GRID2IP: variants seen among roughly 807,000 people sequenced by gnomAD.
The protein encoded by GRID2IP is delphilin.
A neutral mutation model predicts 114.3 loss-of-function variants in GRID2IP; 78 were observed. The observed-to-expected ratio is 0.68, with a 90% CI of 0.57 to 0.82. The LOEUF is 0.82. GRID2IP is among the 40% of genes least tolerant of loss of function. The probability of loss-of-function intolerance (pLI) is 0.00; values close to 1 mark genes in which losing one functional copy is unlikely to be tolerated. For missense variants in GRID2IP, 1,727 were observed against 1,678.5 expected, an observed-to-expected ratio of 1.03 and a Z score of -0.51; for synonymous variants, 809 against 724.0, an observed-to-expected ratio of 1.12 and a Z score of -1.89.
intron 2 of GRID2IP, 86 bp downstream of exon 2, chr7:6,539,632 A>C: frequency 7.7e-7 from 1 of 1,290,334 alleles, no homozygotes; most frequent in Non-Finnish European, 1.0e-6. Context: ...CCTGGGCTGG[A>C]AGGGGTGCCT....
Position 6,536,341 on chromosome 7 carries a change from G to A in GRID2IP, c.584+3377C>T, listed in dbSNP as rs997625930. 3.3e-5 allele frequency among the ~76,000 whole-genome samples: 5 copies of A among 152,228 alleles called. No individual in the cohort carries two copies. The highest frequency in any genetic ancestry group is 1.2e-4 in the African/African-American group (5 of 41,468). ...AGAGGCTGCCGTTTCAAGCTGCGGG[G>A]ACTGGGCATCCCCAGGTGTCCAGGG... is the stretch of plus-strand genomic sequence containing the variant. On this transcript the variant is annotated intron_variant, in intron 2 of 21. Coordinates refer to ENST00000457091, the MANE Select transcript of GRID2IP (RefSeq NM_001145118.2). The surrounding 1 kb of genome is among the most constrained non-coding windows in gnomAD (Gnocchi z 5.3).
chr7:6,522,585 C>T (rs1779432492), intron 4 of GRID2IP, among the ~76,000 whole-genome samples: 1 of 151,970 alleles, frequency 6.6e-6, no homozygotes, highest in Admixed American at 6.6e-5. Flanking sequence ...CTCCTAGGCT[C>T]AAGCAGTCTT....
Position 6,510,412 on chromosome 7 carries a change from C to A in GRID2IP, c.1654-12G>T. ...TAGACGGCTGACATCTGGAGGGAGA[C>A]GGGGGAGAGTCCAGCCCATTCTGCT... On this transcript the variant is annotated splice_polypyrimidine_tract_variant and intron_variant, in intron 10 of 21. Transcript: ENST00000457091. The A allele has an allele frequency of 6.6e-7, 1 of 1,507,264 alleles. No individual in the cohort carries two copies. The highest frequency in any genetic ancestry group is 1.3e-5 in the South Asian group (1 of 78,758). The allele number at this position is 1,507,264 out of a possible 1,614,324, so 93.4% of individuals were successfully genotyped here.
rs753703412 is a variant in GRID2IP at position 6,516,564 on chromosome 7, A to C, written c.1269-2035T>G. 3.3e-5 allele frequency among the ~76,000 whole-genome samples: 5 copies of C among 152,040 alleles called. No individual in the cohort carries two copies. Among genetic ancestry groups the C allele is most frequent in the South Asian group, 2.1e-4 (1 of 4,826 alleles). ...CCTGGGAAGGCACCCGTTGCTTAGC[A>C]GACCGGGAAAGGGAGTCTCCCTTTC... On this transcript the variant is annotated intron_variant, in intron 7 of 21. Coordinates refer to ENST00000457091, the MANE Select transcript of GRID2IP (RefSeq NM_001145118.2). This position sits in a 1 kb window ranked among gnomAD's most constrained non-coding sequence, Gnocchi z 4.3.
At chr7:6,500,779 G>C (rs910501687) in intron 20 of GRID2IP, among the ~76,000 whole-genome samples, 62 of 152,258 alleles carry the variant, frequency 4.1e-4, no homozygotes, top group African/African-American at 1.5e-3. Flanking sequence ...GTTGGAGCCA[G>C]AGAGGGGGAG....
chr7:6,500,152 C>G (rs2115350216), intron 20 of GRID2IP, among the ~76,000 whole-genome samples: 1 of 152,038 alleles, frequency 6.6e-6, no homozygotes, highest in African/African-American at 2.4e-5. Context: ...TAAACAGCCT[C>G]AGTTTTCACA....
Position 6,510,299 on chromosome 7 carries a change from G to T in GRID2IP, c.1755C>A (p.Ser585Arg). The T allele has an allele frequency of 1.3e-6, 2 of 1,545,078 alleles. No individual in the cohort carries two copies. The highest frequency in any genetic ancestry group is 1.7e-6 in the Non-Finnish European group (2 of 1,144,338). ...SKSRASPPGPSPAVTTGPRTL... is the reference protein window; with the variant it reads ...SKSRASPPGPRPAVTTGPRTL... ...GAGCCCTACCTGTGGTGACTGCTGGGCTGGGGCCTGGAGGGGAAGCCCGGG... is the reference window on the plus strand; with the variant it reads ...GAGCCCTACCTGTGGTGACTGCTGGTCTGGGGCCTGGAGGGGAAGCCCGGG... The change falls in exon 11 of 22, where the codon AGC (serine) becomes AGA (arginine). Residue 585 changes from serine to arginine, a missense_variant. Coordinates refer to ENST00000457091, the MANE Select transcript of GRID2IP (RefSeq NM_001145118.2).
rs954318474 is a variant in GRID2IP at position 6,532,260 on chromosome 7, G to A, written c.585-5491C>T. Among the ~76,000 whole-genome samples, 6 of 152,282 alleles carry A rather than the reference G, an allele frequency of 3.9e-5. No homozygotes were observed. The highest frequency in any genetic ancestry group is 1.4e-4 in the African/African-American group (6 of 41,556). Reference sequence around the variant, plus strand: ...ACCAGTTCAAGGCACATCCTGGGGAGGGGCTCTTCAGGGGCACCCCCAACC... The same window carrying A: ...ACCAGTTCAAGGCACATCCTGGGGAAGGGCTCTTCAGGGGCACCCCCAACC... On this transcript the variant is annotated intron_variant, in intron 2 of 21. Transcript: ENST00000457091. This position sits in a 1 kb window ranked among gnomAD's most constrained non-coding sequence, Gnocchi z 4.4.
At chr7:6,537,814 C>T (rs927815045) in intron 2 of GRID2IP, among the ~76,000 whole-genome samples, 3 of 152,066 alleles carry the variant, frequency 2.0e-5, no homozygotes, top group Non-Finnish European at 4.4e-5. Flanking sequence ...CATGCCACTG[C>T]ACTCCAGCCT....
intron 9 of GRID2IP, 49 bp from the exon 10 acceptor site, chr7:6,510,755 C>G: frequency 6.6e-7 from 1 of 1,517,524 alleles, no homozygotes; most frequent in Non-Finnish European, 8.9e-7. Flanking sequence ...CGGCTCAGGC[C>G]CCGGCCCAGA....
In GRID2IP at chr7:6,519,719, T is replaced by C. The variant is rs1779377658; in HGVS notation, c.1268+859A>G. Among the ~76,000 whole-genome samples, 1 of 151,874 alleles carries C rather than the reference T, an allele frequency of 6.6e-6. No individual in the cohort carries two copies. The highest frequency in any genetic ancestry group is 1.5e-5 in the Non-Finnish European group (1 of 67,994). ...TTGCGGTGAGCCGAGATCGCACCAC[T>C]GCACTCCAGCCTGGGCAACGAGAGT... On this transcript the variant is annotated intron_variant, in intron 7 of 21. Transcript: ENST00000457091. This position sits in a 1 kb window ranked among gnomAD's most constrained non-coding sequence, Gnocchi z 4.1.
In GRID2IP at chr7:6,536,544, C is replaced by T. The variant is rs1039288727; in HGVS notation, c.584+3174G>A. Reference sequence around the variant, plus strand: ...CCCGGGAGGGGGCAGGAACAGACACCGGCAGCGCTGTGGGAGAGGAGAACC... The same window carrying T: ...CCCGGGAGGGGGCAGGAACAGACACTGGCAGCGCTGTGGGAGAGGAGAACC... On this transcript the variant is annotated intron_variant, in intron 2 of 21. Coordinates refer to ENST00000457091, the MANE Select transcript of GRID2IP (RefSeq NM_001145118.2). The surrounding 1 kb of genome is among the most constrained non-coding windows in gnomAD (Gnocchi z 5.3). 6.6e-6 allele frequency among the ~76,000 whole-genome samples: 1 copy of T among 151,842 alleles called. No individual in the cohort carries two copies. Among genetic ancestry groups the T allele is most frequent in the East Asian group, 2.0e-4 (1 of 5,074 alleles).
intron 7 of GRID2IP, among the ~76,000 whole-genome samples, chr7:6,517,004 T>C (rs938931427): frequency 6.6e-5 from 10 of 151,834 alleles, no homozygotes; most frequent in Non-Finnish European, 1.2e-4. Flanking sequence ...TTGGTGGTAG[T>C]GGTCCCCCGG....
chr7:6,526,708 C>G lies in GRID2IP; in HGVS notation c.646G>C (p.Gly216Arg). 1 of 1,513,084 alleles carries G rather than the reference C, an allele frequency of 6.6e-7. No homozygotes were observed. Among genetic ancestry groups the G allele is most frequent in the South Asian group, 1.2e-5 (1 of 81,938 alleles). 93.7% of individuals were successfully genotyped at this position (1,513,084 alleles called of 1,614,324 possible). Residue 216 changes from glycine to arginine, a missense_variant, in exon 3 of 22, where the codon GGC (glycine) becomes CGC (arginine). Transcript: ENST00000457091. This position sits in a 1 kb window ranked among gnomAD's most constrained non-coding sequence, Gnocchi z 7.6. ...FDEVVSQGLLGKLCRARRAQG... is the reference protein window; with the variant it reads ...FDEVVSQGLLRKLCRARRAQG... ...GCCCGGCGTGCGCGGCACAGCTTGC[C>G]CAGGAGGCCCTGAGACACCACCTCG...
intron 2 of GRID2IP, among the ~76,000 whole-genome samples, chr7:6,537,457 A>G (rs1779746760): frequency 7.6e-6 from 1 of 130,990 alleles, no homozygotes; most frequent in South Asian, 2.6e-4. Context: ...AGCTCACCGC[A>G]ACCTCCCTCT....
At chr7:6,504,720 T>A (rs1207636430) in intron 15 of GRID2IP, 73 bp downstream of exon 15, 5 of 1,156,724 alleles carry the variant, frequency 4.3e-6, no homozygotes, top group Non-Finnish European at 6.3e-6. Context: ...GTCATCCACC[T>A]GGGCAGGTCT....
Position 6,509,262 on chromosome 7 carries a change from GA to G in GRID2IP, c.1822del (p.Ser608ProfsTer79). The G allele has an allele frequency of 6.5e-7, 1 of 1,528,620 alleles. No individual in the cohort carries two copies. The allele number at this position is 1,528,620 out of a possible 1,614,324, so 94.7% of individuals were successfully genotyped here. The stretch of plus-strand genomic sequence containing the variant: ...CGAACACAGCGGGTGGTAGCAGGGG[GA>G]GGGCAAGAGTCGCTCGCTGGGCCAT... ...VSWPSERLLP[S>X]PCYHPLCSGG... On this transcript the variant is annotated frameshift_variant, in exon 12 of 22. Transcript: ENST00000457091. LOFTEE classifies it high-confidence loss of function. The surrounding 1 kb of genome is among the most constrained non-coding windows in gnomAD (Gnocchi z 4.9).
At chr7:6,498,572 CTTTTTT>C (rs34146767) in intron 20 of GRID2IP, among the ~76,000 whole-genome samples, 40 of 68,140 alleles carry the variant, frequency 5.9e-4, no homozygotes, top group African/African-American at 2.0e-3. Context: ...CTAGGCCTTA[CTTTTTT>C]TTTTTTTTTT....
chr7:6,530,689 C>G (rs1779605607), intron 2 of GRID2IP, among the ~76,000 whole-genome samples: 1 of 152,194 alleles, frequency 6.6e-6, no homozygotes, highest in Admixed American at 6.5e-5. Context: ...TCGTGCCCCC[C>G]AAACTCAGGA....
Sources: allele counts gnomAD v4.1 joint callset (sites outside exome capture counted in the v4.1 genomes callset), GRCh38; gene constraint gnomAD v4.1.1; non-coding constraint Gnocchi (gnomAD v3.1); transcripts MANE v1.5; gene names NCBI Gene and HGNC (gene_info 2026-07-23, HGNC 2026-07-21).